The following RPRD1A variants were observed in gnomAD, a reference collection of about 807,000 sequenced individuals.
The protein encoded by RPRD1A is regulation of nuclear pre-mRNA domain containing 1A.
In RPRD1A, 9 loss-of-function variants were observed where a neutral mutation model predicts 37.8. That is an observed-to-expected ratio of 0.24 (90% confidence interval 0.14 to 0.42). The LOEUF (loss-of-function observed/expected upper bound fraction) is 0.42. Among genes scored for constraint, RPRD1A ranks in the 10% least tolerant of loss-of-function variants. The pLI, the probability that RPRD1A is intolerant of heterozygous loss-of-function variation, is 1.00. For synonymous variants in RPRD1A, 138 were observed against 139.7 expected, an observed-to-expected ratio of 0.99 and a Z score of 0.08; for missense variants, 255 against 371.0, an observed-to-expected ratio of 0.69 and a Z score of 2.57.
In RPRD1A at chr18:36,036,010, C is replaced by T. The variant is rs145497330; in HGVS notation, c.152-2173G>A. Among the ~76,000 whole-genome samples the T allele has an allele frequency of 7.9e-5, 12 of 152,126 alleles. No individual in the cohort carries two copies. The East Asian group carries it at 2.1e-3, about 27-fold the overall frequency. On this transcript the variant is annotated intron_variant, in intron 1 of 6. Coordinates refer to ENST00000399022, the MANE Select transcript of RPRD1A (RefSeq NM_018170.5). ...AATGAACAGTTCTGGAAACTGGCTACACAACAATGTACTTAACACTACTGG... is the reference window on the plus strand; with the variant it reads ...AATGAACAGTTCTGGAAACTGGCTATACAACAATGTACTTAACACTACTGG...
intron 1 of RPRD1A, chr18:36,063,878 C>T (rs1170011596): frequency 6.6e-6 from 1 of 152,246 alleles, no homozygotes; most frequent in Non-Finnish European, 1.5e-5. Context: ...TGTTCATCAG[C>T]ATCACCGTTA....
intron 1 of RPRD1A, among the ~76,000 whole-genome samples, chr18:36,045,425 T>TG (rs1424550530): frequency 6.6e-6 from 1 of 152,068 alleles, no homozygotes; most frequent in Non-Finnish European, 1.5e-5. Flanking sequence ...CAAGAAAGCT[T>TG]GTTAAAACAG....
intron 6 of RPRD1A, among the ~76,000 whole-genome samples, chr18:35,998,184 C>A (rs1364980097): frequency 6.6e-6 from 1 of 152,058 alleles, no homozygotes; most frequent in African/African-American, 2.4e-5. Context: ...CATGGTGAAA[C>A]CCTGTTTCTA....
chr18:36,056,108 T>A (rs1183719817), intron 1 of RPRD1A, among the ~76,000 whole-genome samples: 1 of 152,158 alleles, frequency 6.6e-6, no homozygotes, highest in Non-Finnish European at 1.5e-5. Context: ...TAAACTTTCA[T>A]CAACAGAATA....
intron 6 of RPRD1A, among the ~76,000 whole-genome samples, chr18:35,996,978 A>C (rs139350899): frequency 1.7e-3 from 113 of 64,996 alleles, no homozygotes; most frequent in Middle Eastern, 0.014. Context: ...ACCCTGTCTC[A>C]AAAAAAAAAA....
In RPRD1A at chr18:35,993,135, G is replaced by C; in HGVS notation, c.*16C>G. 6.2e-7 allele frequency: 1 copy of C among 1,611,622 alleles called. No individual in the cohort carries two copies. Among genetic ancestry groups the C allele is most frequent in the Middle Eastern group, 1.7e-4 (1 of 5,716 alleles). ...ATCTCTTGCAAAGTCCTGGGACCTG[G>C]AAAGAGGCTGGTCCATCAATCTTCA... On this transcript the variant is annotated 3_prime_UTR_variant, in exon 7 of 7. Transcript: ENST00000399022.
At chr18:36,061,403 G>C (rs2088908237) in intron 1 of RPRD1A, among the ~76,000 whole-genome samples, 1 of 152,068 alleles carries the variant, frequency 6.6e-6, no homozygotes, top group Admixed American at 6.6e-5. Flanking sequence ...AAAAGAGGCT[G>C]GTACAAAGGA....
intron 1 of RPRD1A, among the ~76,000 whole-genome samples, chr18:36,057,590 T>C (rs1467001999): frequency 6.6e-6 from 1 of 152,076 alleles, no homozygotes; most frequent in Non-Finnish European, 1.5e-5. Context: ...CTAGCCTGGG[T>C]GAGAGAGTAA....
At chr18:36,062,643 C>T (rs572070561) in intron 1 of RPRD1A, among the ~76,000 whole-genome samples, 13 of 152,298 alleles carry the variant, frequency 8.5e-5, no homozygotes, top group Non-Finnish European at 1.8e-4. Context: ...TTTTAATTAA[C>T]ATGTTTTCCA....
chr18:36,050,195 G>A (rs930658328), intron 1 of RPRD1A, among the ~76,000 whole-genome samples: 5 of 151,386 alleles, frequency 3.3e-5, no homozygotes, highest in African/African-American at 4.9e-5. Flanking sequence ...TAACGCCACC[G>A]AACTGTACAA....
chr18:36,011,618 C>A (rs1168515791), intron 6 of RPRD1A, among the ~76,000 whole-genome samples: 1 of 151,916 alleles, frequency 6.6e-6, no homozygotes, highest in African/African-American at 2.4e-5. Flanking sequence ...TATATAAGAA[C>A]CTGATGAACA....
At chr18:35,994,302 G>A (rs1908889593) in intron 6 of RPRD1A, among the ~76,000 whole-genome samples, 1 of 152,150 alleles carries the variant, frequency 6.6e-6, no homozygotes, top group Non-Finnish European at 1.5e-5. Flanking sequence ...GCATAGATGA[G>A]GAAACATCTA....
chr18:35,999,776 C>G (rs1909307954), intron 6 of RPRD1A, among the ~76,000 whole-genome samples: 1 of 152,122 alleles, frequency 6.6e-6, no homozygotes, highest in South Asian at 2.1e-4. Context: ...TTGATAAAAA[C>G]AGCAGAATTT....
At chr18:36,057,010 T>C (rs1205348592) in intron 1 of RPRD1A, among the ~76,000 whole-genome samples, 1 of 128,926 alleles carries the variant, frequency 7.8e-6, no homozygotes, top group African/African-American at 3.0e-5. Context: ...AGCCCAGGAG[T>C]TCGAGACCAG....
chr18:36,023,980 A>G (rs946082874), intron 6 of RPRD1A, among the ~76,000 whole-genome samples: 1 of 152,234 alleles, frequency 6.6e-6, no homozygotes, highest in Non-Finnish European at 1.5e-5. Flanking sequence ...TGTCATTTTA[A>G]TTCTCCTATT....
At chr18:36,062,286 C>T (rs937078549) in intron 1 of RPRD1A, among the ~76,000 whole-genome samples, 1 of 140,096 alleles carries the variant, frequency 7.1e-6, no homozygotes, top group South Asian at 2.3e-4. Flanking sequence ...CACTGCAGTC[C>T]GCAGTCCGGC....
chr18:36,017,661 ATT>A (rs749128735), intron 6 of RPRD1A, among the ~76,000 whole-genome samples: 11 of 152,044 alleles, frequency 7.2e-5, no homozygotes, highest in African/African-American at 2.4e-4. Context: ...TATATGCATC[ATT>A]GTTTTAACCA....
chr18:36,023,251 G>C (rs976810851), intron 6 of RPRD1A, among the ~76,000 whole-genome samples: 1 of 152,212 alleles, frequency 6.6e-6, no homozygotes, highest in African/African-American at 2.4e-5. Context: ...CATGGGAGGA[G>C]ATAAAATATC....
At chr18:36,039,611 G>A (rs569052200) in intron 1 of RPRD1A, among the ~76,000 whole-genome samples, 1 of 152,236 alleles carries the variant, frequency 6.6e-6, no homozygotes, top group Admixed American at 6.5e-5. Context: ...TAGGAGAAAT[G>A]TTACCTATTT....
Sources: gnomAD v4.1 joint callset for allele counts (sites outside exome capture counted in the v4.1 genomes callset) on GRCh38, gnomAD v4.1.1 for gene constraint, MANE v1.5 for transcripts, NCBI Gene and HGNC (gene_info 2026-07-23, HGNC 2026-07-21) for gene names.